ENG: variants seen among roughly 807,000 people sequenced by gnomAD.
ENG encodes endoglin.
Under a neutral mutation model 71.0 loss-of-function variants are expected in ENG, and 17 were observed. That is an observed-to-expected ratio of 0.24 (90% CI 0.16 to 0.36). The LOEUF (loss-of-function observed/expected upper bound fraction) is 0.36, where lower values mean the gene tolerates loss of function less well. Ranked by LOEUF, ENG falls within the 10% of genes least tolerant of loss-of-function variation. The probability of loss-of-function intolerance (pLI) is 1.00; values close to 1 mark genes in which losing one functional copy is unlikely to be tolerated. For synonymous variants in ENG, 360 were observed against 366.9 expected, an observed-to-expected ratio of 0.98 and a Z score of 0.21; for missense variants, 749 against 868.3, an observed-to-expected ratio of 0.86 and a Z score of 1.73.
chr9:127,817,279 C>A lies in ENG; in HGVS notation c.1687-76G>T, dbSNP rs541479672. On this transcript the variant is annotated intron_variant, in intron 12 of 14. Transcript: ENST00000373203. ...AGGTTTACTCCCTGGCTCCGTGACC[C>A]CAGCCCACCCTAGAGCCTTGGCTTT... is the stretch of plus-strand genomic sequence containing the variant. 78 of 1,467,898 alleles carry A rather than the reference C, an allele frequency of 5.3e-5. 1 individual carries two copies. The South Asian group carries it at 7.7e-4, about 15-fold the overall frequency. The allele number at this position is 1,467,898 out of a possible 1,614,324, so 90.9% of individuals were successfully genotyped here. A position where few individuals can be genotyped will look rare whatever the true frequency, so the allele number is the denominator to read the frequency against.
chr9:127,833,401 A>G (rs901548232), intron 2 of ENG, among the ~76,000 whole-genome samples: 3 of 151,876 alleles, frequency 2.0e-5, no homozygotes, highest in African/African-American at 7.3e-5. Flanking sequence ...CATGCCTGTA[A>G]TCCCAGCTAC....
At chr9:127,831,507 C>T (rs1030940651) in intron 2 of ENG, among the ~76,000 whole-genome samples, 13 of 151,958 alleles carry the variant, frequency 8.6e-5, no homozygotes, top group Admixed American at 2.6e-4. Flanking sequence ...CCTGCCTCAG[C>T]CTCCCGAGTA....
In ENG at chr9:127,826,499, G is replaced by T. The variant is rs763724314; in HGVS notation, c.523+11C>A. Reference sequence around the variant, plus strand: ...TATCATGAGCCCAGAGAGGTTGCTGGGGAAACTGACCTTGGCCCAGTCGGA... The same window carrying T: ...TATCATGAGCCCAGAGAGGTTGCTGTGGAAACTGACCTTGGCCCAGTCGGA... On this transcript the variant is annotated intron_variant, in intron 4 of 14. Coordinates refer to ENST00000373203, the MANE Select transcript of ENG (RefSeq NM_001114753.3). The T allele has an allele frequency of 6.2e-7, 1 of 1,613,972 alleles. No individual in the cohort carries two copies. Among genetic ancestry groups the T allele is most frequent in the Non-Finnish European group, 8.5e-7 (1 of 1,179,932 alleles).
At chr9:127,844,199 T>A (rs1471451882) in intron 1 of ENG, among the ~76,000 whole-genome samples, 1 of 150,002 alleles carries the variant, frequency 6.7e-6, no homozygotes, top group Non-Finnish European at 1.5e-5. Context: ...GATCTCGACT[T>A]ACTGCAACCT....
At chr9:127,825,388 G>A (rs542459678) in intron 5 of ENG, 31 bp from the exon 6 acceptor site, 2 of 1,606,620 alleles carry the variant, frequency 1.2e-6, no homozygotes, top group African/African-American at 1.3e-5. Flanking sequence ...ATGGAACACT[G>A]AAGCGGACAG....
chr9:127,823,959 G>T (rs1457326851), intron 8 of ENG, among the ~76,000 whole-genome samples: 1 of 152,096 alleles, frequency 6.6e-6, no homozygotes, highest in Non-Finnish European at 1.5e-5. Context: ...GAGATTACAG[G>T]CGTGAACCAC....
At chr9:127,821,512 C>T (rs1409058910) in intron 8 of ENG, 2 of 151,812 alleles carry the variant, frequency 1.3e-5, no homozygotes, top group African/African-American at 4.8e-5. Context: ...GGCAGATGAC[C>T]TGAGGTCGGA....
intron 2 of ENG, among the ~76,000 whole-genome samples, chr9:127,833,729 A>G (rs868370320): frequency 1.3e-5 from 2 of 152,160 alleles, no homozygotes; most frequent in Non-Finnish European, 2.9e-5. Flanking sequence ...ACCAGTGGAA[A>G]GTTTTGAGAT....
intron 4 of ENG, 145 bp downstream of exon 4, chr9:127,826,365 G>T: frequency 9.7e-7 from 1 of 1,027,788 alleles, no homozygotes; most frequent in South Asian, 1.6e-5. Flanking sequence ...CTGTCCCAAG[G>T]CAGCACTGGC....
intron 10 of ENG, chr9:127,819,104 A>G (rs1830410830): frequency 7.7e-6 from 3 of 391,826 alleles, no homozygotes; most frequent in Non-Finnish European, 1.5e-5. Context: ...CGCCCGGCTA[A>G]TTTTTTGTAT....
At chr9:127,830,644 T>C (rs1263958136) in intron 2 of ENG, among the ~76,000 whole-genome samples, 1 of 149,564 alleles carries the variant, frequency 6.7e-6, no homozygotes, top group Non-Finnish European at 1.5e-5. Flanking sequence ...TGACGCTCCG[T>C]CTCAAAAAAA....
At chr9:127,850,796 A>G (rs903633190) in intron 1 of ENG, among the ~76,000 whole-genome samples, 1 of 152,246 alleles carries the variant, frequency 6.6e-6, no homozygotes, top group South Asian at 2.1e-4. Flanking sequence ...CGCAATCCAC[A>G]TGAAATAATC....
At chr9:127,817,463 A>G (rs933899579) in intron 12 of ENG, 1 of 556,406 alleles carries the variant, frequency 1.8e-6, no homozygotes, top group South Asian at 1.9e-5. Context: ...TGGAAGCACT[A>G]TGCATCCCTC....
In ENG at chr9:127,815,466, G is replaced by C. The variant is rs1365211864; in HGVS notation, c.*216C>G. ...GGGCAGCCATATCCCAGACCCACTG[G>C]GTTGAAGGTTCTGTGGGGTGGAGGG... On this transcript the variant is annotated 3_prime_UTR_variant, in exon 15 of 15. Transcript: ENST00000373203. 1.1e-5 allele frequency: 10 copies of C among 900,774 alleles called. No individual in the cohort carries two copies. The highest frequency in any genetic ancestry group is 1.6e-5 in the Non-Finnish European group (10 of 617,382). The allele number at this position is 900,774 out of a possible 1,614,324, so 55.8% of individuals were successfully genotyped here. A position where few individuals can be genotyped will look rare whatever the true frequency, so the allele number is the denominator to read the frequency against.
At chr9:127,833,414 G>C (rs189861973) in intron 2 of ENG, among the ~76,000 whole-genome samples, 27 of 151,748 alleles carry the variant, frequency 1.8e-4, no homozygotes, top group African/African-American at 6.5e-4. Flanking sequence ...CCAGCTACTC[G>C]GGAGGCTGAG....
chr9:127,837,774 G>GAATGCATCCATC (rs1830937595), intron 2 of ENG, among the ~76,000 whole-genome samples: 1 of 112,922 alleles, frequency 8.9e-6, no homozygotes, highest in African/African-American at 4.7e-5. Context: ...ATGCATGAAT[G>GAATGCATCCATC]CATCCATCCA....
rs756016748 is a variant in ENG at position 127,854,325 on chromosome 9, C to T, written c.31G>A (p.Ala11Thr). Reference protein sequence around the residue: MDRGTLPLAVALLLASCSLSP... With the variant: MDRGTLPLAVTLLLASCSLSP... Reference sequence around the variant, plus strand: ...AGGCTGCAGCTGGCCAGCAGCAGGGCAACAGCCAGAGGGAGCGTGCCGCGG... The same window carrying T: ...AGGCTGCAGCTGGCCAGCAGCAGGGTAACAGCCAGAGGGAGCGTGCCGCGG... Residue 11 changes from alanine (A) to threonine (T), a missense_variant, in exon 1 of 15, where the codon GCC becomes ACC. Coordinates refer to ENST00000373203, the MANE Select transcript of ENG (RefSeq NM_001114753.3). The T allele has an allele frequency of 1.3e-6, 2 of 1,595,978 alleles. No individual in the cohort carries two copies. The highest frequency in any genetic ancestry group is 1.7e-6 in the Non-Finnish European group (2 of 1,172,034).
At chr9:127,818,649 G>A (rs528194730) in intron 11 of ENG, 67 bp downstream of exon 11, 2 of 1,545,152 alleles carry the variant, frequency 1.3e-6, no homozygotes, top group Admixed American at 1.7e-5. Flanking sequence ...GAGTCATGGT[G>A]GGAAGAAAGG....
Position 127,834,140 on chromosome 9 carries a change from T to G in ENG, c.220-4313A>C, listed in dbSNP as rs905782872. Among the ~76,000 whole-genome samples, 11 of 152,200 alleles carry G rather than the reference T, an allele frequency of 7.2e-5. No individual in the cohort carries two copies. In the East Asian group the frequency reaches 2.1e-3, roughly 29 times the overall value. ...CAGGCTGGAGTGCAATGGCATGATC[T>G]CGGCTCACTGCCACCTCCGCCTCCT... On this transcript the variant is annotated intron_variant, in intron 2 of 14. Coordinates refer to ENST00000373203, the MANE Select transcript of ENG (RefSeq NM_001114753.3).
Sources: gnomAD v4.1 joint callset for allele counts (sites outside exome capture counted in the v4.1 genomes callset) on GRCh38, gnomAD v4.1.1 for gene constraint, MANE v1.5 for transcripts, NCBI Gene and HGNC (gene_info 2026-07-23, HGNC 2026-07-21) for gene names.